The following ITCH variants were observed in gnomAD, a reference collection of about 807,000 sequenced individuals.
The protein encoded by ITCH is E3 ubiquitin-protein ligase Itchy homolog.
In ITCH, 28 loss-of-function variants were observed where a neutral mutation model predicts 126.8. The observed-to-expected ratio is 0.22, with a 90% CI of 0.16 to 0.30. The LOEUF is 0.30. Ranked by LOEUF, ITCH falls within the 10% of genes least tolerant of loss-of-function variation. ITCH has a pLI of 1.00. For synonymous variants in ITCH, 342 were observed against 340.0 expected, an observed-to-expected ratio of 1.01 and a Z score of -0.06; for missense variants, 631 against 1,032.4, an observed-to-expected ratio of 0.61 and a Z score of 5.33.
In ITCH at chr20:34,477,856, G is replaced by A. The variant is rs767281431; in HGVS notation, c.1654G>A (p.Ala552Thr). ...GEEGLDYGGV[A>T]REWFFLLSHE... ...AGAAGGTTTAGATTATGGAGGTGTA[G>A]CAAGGTAGTGATAATATGAATACTC... is the stretch of plus-strand genomic sequence containing the variant. Residue 552 changes from alanine (A) to threonine (T), a missense_variant, in exon 17 of 25, where the codon GCA (alanine) becomes ACA (threonine). Transcript: ENST00000374864. 3.1e-6 allele frequency: 5 copies of A among 1,613,248 alleles called. No homozygotes were observed. In the South Asian group the frequency reaches 3.3e-5, roughly 11 times the overall value.
intron 6 of ITCH, among the ~76,000 whole-genome samples, chr20:34,418,733 CCTTT>C (rs1328318309): frequency 6.7e-6 from 1 of 149,452 alleles, no homozygotes; most frequent in African/African-American, 2.5e-5. Context: ...TAGTAAAACT[CCTTT>C]CTTTCTTTTT....
At chr20:34,441,591 A>ATTT (rs55890829) in intron 9 of ITCH, 3 of 137,674 alleles carry the variant, frequency 2.2e-5, no homozygotes, top group Non-Finnish European at 1.5e-5. Context: ...TGCCCAGCTA[A>ATTT]TTTTTTTTTT....
intron 2 of ITCH, among the ~76,000 whole-genome samples, chr20:34,375,072 G>A (rs1351260898): frequency 7.3e-6 from 1 of 137,394 alleles, no homozygotes; most frequent in Non-Finnish European, 1.5e-5. Context: ...ACAGAATCTC[G>A]CTCTTGTTGC....
chr20:34,407,465 C>T (rs1978322046), intron 3 of ITCH, among the ~76,000 whole-genome samples: 1 of 152,084 alleles, frequency 6.6e-6, no homozygotes, highest in South Asian at 2.1e-4. Flanking sequence ...GACGAGGTTT[C>T]GCCATGTTGG....
intron 1 of ITCH, among the ~76,000 whole-genome samples, chr20:34,364,724 CAAA>C (rs1171765663): frequency 4.8e-4 from 22 of 45,570 alleles, no homozygotes; most frequent in African/African-American, 2.4e-3. Context: ...ACTAAAAATA[CAAA>C]AAAAAAAAAA....
chr20:34,386,339 T>C (rs562554568), intron 2 of ITCH, among the ~76,000 whole-genome samples: 1 of 152,352 alleles, frequency 6.6e-6, no homozygotes, highest in African/African-American at 2.4e-5. Context: ...TCTTTGCTAC[T>C]GTGCCCCTAG....
chr20:34,435,313 C>T (rs377641125), intron 7 of ITCH, among the ~76,000 whole-genome samples: 7 of 151,936 alleles, frequency 4.6e-5, no homozygotes, highest in Non-Finnish European at 7.4e-5. Context: ...GGACTATAGG[C>T]GCATGCCACC....
At chr20:34,474,208 C>A (rs1160201449) in intron 16 of ITCH, among the ~76,000 whole-genome samples, 1 of 151,380 alleles carries the variant, frequency 6.6e-6, no homozygotes, top group East Asian at 1.9e-4. Flanking sequence ...GTGTTTCTCG[C>A]AGAGGGGGAT....
Position 34,477,803 on chromosome 20 carries a change from G to A in ITCH, c.1601G>A (p.Arg534Lys). Residue 534 changes from arginine to lysine, a missense_variant, in exon 17 of 25, where the codon AGA becomes AAA. Arg to Lys is a conservative substitution (Grantham distance 26). Transcript: ENST00000374864. The part of the protein sequence containing the change: ...IMSFSPQDLR[R>K]RLWVIFPGEE... ...AGCTTCAGTCCCCAAGATCTGCGAAGACGTTTGTGGGTGATTTTTCCAGGA... is the reference window on the plus strand; with the variant it reads ...AGCTTCAGTCCCCAAGATCTGCGAAAACGTTTGTGGGTGATTTTTCCAGGA... 1 of 1,613,746 alleles carries A rather than the reference G, an allele frequency of 6.2e-7. No homozygotes were observed. The highest frequency in any genetic ancestry group is 8.5e-7 in the Non-Finnish European group (1 of 1,179,754).
intron 7 of ITCH, among the ~76,000 whole-genome samples, chr20:34,424,980 G>A (rs554393781): frequency 4.6e-5 from 7 of 152,152 alleles, no homozygotes; most frequent in Admixed American, 2.0e-4. Flanking sequence ...GCCTATCTGC[G>A]TTCAAGTTTG....
chr20:34,490,164 A>G (rs1236882061), intron 22 of ITCH, among the ~76,000 whole-genome samples: 1 of 152,142 alleles, frequency 6.6e-6, no homozygotes, highest in African/African-American at 2.4e-5. Context: ...GAGATGATAA[A>G]ATTTACCTAC....
At chr20:34,367,190 A>G (rs529652922) in intron 1 of ITCH, among the ~76,000 whole-genome samples, 1 of 152,220 alleles carries the variant, frequency 6.6e-6, no homozygotes, top group South Asian at 2.1e-4. Flanking sequence ...TATTGTTACT[A>G]TTTTTGAGAT....
chr20:34,494,095 G>C (rs2146525315), intron 23 of ITCH, among the ~76,000 whole-genome samples: 1 of 152,330 alleles, frequency 6.6e-6, no homozygotes, highest in South Asian at 2.1e-4. Flanking sequence ...CGGGCGTGTT[G>C]ACGCACACTT....
At chr20:34,393,354 A>T (rs540461988) in intron 2 of ITCH, among the ~76,000 whole-genome samples, 43 of 152,252 alleles carry the variant, frequency 2.8e-4, no homozygotes, top group African/African-American at 9.4e-4. Flanking sequence ...ACCAAAAATT[A>T]AAAAAATTAG....
At chr20:34,430,371 A>T (rs1322047622) in intron 7 of ITCH, among the ~76,000 whole-genome samples, 2 of 152,092 alleles carry the variant, frequency 1.3e-5, no homozygotes, top group African/African-American at 2.4e-5. Flanking sequence ...TGTTATTTTT[A>T]TTGTTAGATA....
chr20:34,435,171 TG>T (rs1285005177), intron 7 of ITCH, among the ~76,000 whole-genome samples: 185 of 136,058 alleles, frequency 1.4e-3, no homozygotes, highest in African/African-American at 4.3e-3. Context: ...TGTTTGTTTT[TG>T]GGTTTTTTTT....
chr20:34,380,426 AC>A (rs2038013193), intron 2 of ITCH, among the ~76,000 whole-genome samples: 1 of 152,220 alleles, frequency 6.6e-6, no homozygotes, highest in African/African-American at 2.4e-5. Flanking sequence ...TGCTAGAGAT[AC>A]TAGTTTTGGG....
intron 16 of ITCH, among the ~76,000 whole-genome samples, chr20:34,477,540 TAAATA>T (rs1220823010): frequency 1.3e-5 from 2 of 152,008 alleles, no homozygotes; most frequent in African/African-American, 4.8e-5. Context: ...AGTAAATAAA[TAAATA>T]AAATCACGTG....
At chr20:34,392,506 A>G (rs528146986) in intron 2 of ITCH, among the ~76,000 whole-genome samples, 1 of 152,280 alleles carries the variant, frequency 6.6e-6, no homozygotes, top group East Asian at 1.9e-4. Context: ...TTATTGTTCT[A>G]TTTCATTTTT....
Sources: gnomAD v4.1 joint callset for allele counts (sites outside exome capture counted in the v4.1 genomes callset) on GRCh38, gnomAD v4.1.1 for gene constraint, MANE v1.5 for transcripts, NCBI Gene and HGNC (gene_info 2026-07-23, HGNC 2026-07-21) for gene names.